Variants in SNAP91 observed in about 807,000 individuals in gnomAD.
The protein encoded by SNAP91 is clathrin coat assembly protein AP180.
Under a neutral mutation model 100.3 loss-of-function variants are expected in SNAP91, and 27 were observed. That is an observed-to-expected ratio of 0.27 (90% CI 0.20 to 0.37). SNAP91 has a LOEUF of 0.37. Among genes scored for constraint, SNAP91 ranks in the 10% least tolerant of loss-of-function variants. The pLI, the probability that SNAP91 is intolerant of heterozygous loss-of-function variation, is 1.00. For synonymous variants in SNAP91, 404 were observed against 398.6 expected, an observed-to-expected ratio of 1.01 and a Z score of -0.16; for missense variants, 986 against 1,123.7, an observed-to-expected ratio of 0.88 and a Z score of 1.75.
chr6:83,628,077 G>C (rs2097030475), intron 8 of SNAP91, among the ~76,000 whole-genome samples: 1 of 151,468 alleles, frequency 6.6e-6, no homozygotes, highest in South Asian at 2.1e-4. Context: ...TCATAGCTTA[G>C]CTCCCACTTA....
chr6:83,645,202 C>A (rs1157765007), intron 7 of SNAP91, among the ~76,000 whole-genome samples: 4 of 151,928 alleles, frequency 2.6e-5, no homozygotes, highest in African/African-American at 7.2e-5. Context: ...GCAAATGGAC[C>A]TTTACCATAG....
At chr6:83,606,131 CAG>C (rs749734520) in intron 13 of SNAP91, among the ~76,000 whole-genome samples, 8 of 152,028 alleles carry the variant, frequency 5.3e-5, no homozygotes, top group Non-Finnish European at 5.9e-5. Flanking sequence ...TTTACAAAAA[CAG>C]AGAGTGGGCT....
At chr6:83,688,606 C>T (rs530822587) in intron 2 of SNAP91, among the ~76,000 whole-genome samples, 2 of 151,096 alleles carry the variant, frequency 1.3e-5, no homozygotes, top group East Asian at 2.0e-4. Flanking sequence ...CAGGTTCAAG[C>T]GATTCTCCTG....
intron 8 of SNAP91, among the ~76,000 whole-genome samples, chr6:83,630,558 A>G (rs2097164877): frequency 6.6e-6 from 1 of 151,902 alleles, no homozygotes; most frequent in Non-Finnish European, 1.5e-5. Context: ...ATTCTTCCTG[A>G]TTTAAGCTAG....
At position 83,601,590 on chromosome 6, in the gene SNAP91, C is replaced by A; in HGVS notation, c.1151G>T (p.Gly384Val). Residue 384 changes from glycine to valine, a missense_variant, in exon 15 of 30, where the codon GGA (glycine) becomes GTA (valine). This residue lies in a region of SNAP91 where 575 missense variants were observed against 579.9 expected (regional missense o/e 0.99). Transcript: ENST00000369694. ...GGATAWGDLL[G>V]EDSLAALSSV... ...AAAAACAAAGCTTTACTCACCCTCT[C>A]CCAAAAGGTCTACCGATGTCCATTA... 6.2e-7 allele frequency: 1 copy of A among 1,613,542 alleles called. No individual in the cohort carries two copies. The highest frequency in any genetic ancestry group is 1.1e-5 in the South Asian group (1 of 91,060).
At chr6:83,590,698 T>G (rs1471639855) in intron 22 of SNAP91, among the ~76,000 whole-genome samples, 1 of 152,118 alleles carries the variant, frequency 6.6e-6, no homozygotes, top group Admixed American at 6.6e-5. Flanking sequence ...ACAACTTCCT[T>G]TAAAAAAAGA....
intron 7 of SNAP91, among the ~76,000 whole-genome samples, chr6:83,642,488 C>T (rs1392777360): frequency 1.4e-4 from 22 of 152,162 alleles, no homozygotes; most frequent in Admixed American, 1.4e-3. Context: ...TGGTTTCCAG[C>T]TTCATCCATG....
intron 2 of SNAP91, among the ~76,000 whole-genome samples, chr6:83,671,974 G>A (rs977858547): frequency 5.9e-5 from 9 of 151,956 alleles, no homozygotes; most frequent in African/African-American, 2.2e-4. Flanking sequence ...GTGCCCTTCT[G>A]ATCATAGCTG....
intron 2 of SNAP91, among the ~76,000 whole-genome samples, chr6:83,706,972 A>C (rs1031364936): frequency 6.6e-6 from 1 of 152,234 alleles, no homozygotes; most frequent in Non-Finnish European, 1.5e-5. Context: ...CTGTTAATTA[A>C]GGTATTTCAG....
intron 23 of SNAP91, among the ~76,000 whole-genome samples, chr6:83,580,925 T>C (rs1827435776): frequency 6.6e-6 from 1 of 152,226 alleles, no homozygotes; most frequent in Admixed American, 6.5e-5. Context: ...AGCTTTTTAG[T>C]TTTCTCATCT....
At position 83,592,967 on chromosome 6, in the gene SNAP91, G is replaced by A; in HGVS notation, c.1825C>T (p.Leu609Phe). 1.9e-6 allele frequency: 3 copies of A among 1,584,992 alleles called. No individual in the cohort carries two copies. The highest frequency in any genetic ancestry group is 1.2e-5 in the South Asian group (1 of 86,254). The part of the protein sequence containing the change: ...QGASPVPESS[L>F]TADLLSVDAF... ...TCACCAGATAAGAGGTCAGCAGTGAGAGAACTCTCAGGCACAGGAGAGGCC... is the reference window on the plus strand; with the variant it reads ...TCACCAGATAAGAGGTCAGCAGTGAAAGAACTCTCAGGCACAGGAGAGGCC... Residue 609 changes from leucine to phenylalanine, a missense_variant, in exon 20 of 30, where the codon CTC (leucine) becomes TTC (phenylalanine). Leu to Phe is a conservative substitution (Grantham distance 22, BLOSUM62 0). Around this residue, in one of 4 missense-constraint regions of SNAP91, gnomAD observed 575 missense variants for 579.9 expected, o/e 0.99. Coordinates refer to ENST00000369694, the MANE Select transcript of SNAP91 (RefSeq NM_001242792.2).
intron 7 of SNAP91, among the ~76,000 whole-genome samples, chr6:83,643,405 T>C (rs1009392226): frequency 6.6e-6 from 1 of 152,232 alleles, no homozygotes; most frequent in Non-Finnish European, 1.5e-5. Context: ...GCTTTCTACA[T>C]ATGGCTAGCC....
At chr6:83,617,103 G>T in intron 9 of SNAP91, 64 bp from the exon 10 acceptor site, 1 of 1,100,846 alleles carries the variant, frequency 9.1e-7, no homozygotes, top group Middle Eastern at 2.1e-4. Context: ...ACACTGTAAT[G>T]TCACTGTAAC....
chr6:83,606,468 T>C (rs942265978), intron 13 of SNAP91, among the ~76,000 whole-genome samples: 4 of 152,232 alleles, frequency 2.6e-5, no homozygotes, highest in Non-Finnish European at 4.4e-5. Context: ...ATTCAAAGTA[T>C]AGGCCTCAAA....
At chr6:83,591,710 G>A (rs894759308) in intron 21 of SNAP91, among the ~76,000 whole-genome samples, 2 of 152,132 alleles carry the variant, frequency 1.3e-5, no homozygotes, top group African/African-American at 4.8e-5. Context: ...GTACCTACAT[G>A]TCAAGGTTTA....
At chr6:83,592,714 A>G (rs1326418144) in intron 20 of SNAP91, among the ~76,000 whole-genome samples, 176 bp from the exon 21 acceptor site, 3 of 152,236 alleles carry the variant, frequency 2.0e-5, no homozygotes, top group Admixed American at 6.5e-5. Flanking sequence ...TCCAGAACAA[A>G]ATAAAATTGA....
chr6:83,704,658 A>G (rs924140643), intron 2 of SNAP91, among the ~76,000 whole-genome samples: 2 of 151,986 alleles, frequency 1.3e-5, no homozygotes, highest in East Asian at 1.9e-4. Flanking sequence ...TACATATTTC[A>G]TAAGGATTTT....
chr6:83,572,466 G>A (rs1584600505), intron 26 of SNAP91, among the ~76,000 whole-genome samples: 3 of 152,190 alleles, frequency 2.0e-5, no homozygotes, highest in African/African-American at 7.2e-5. Context: ...GGCTATGGCT[G>A]GTCTTGAACT....
intron 2 of SNAP91, chr6:83,679,009 A>C (rs1024851520): frequency 2.4e-6 from 1 of 423,352 alleles, no homozygotes; most frequent in African/African-American, 2.2e-5. Flanking sequence ...AGATTCAACC[A>C]AACTCAGATG....
Sources: gnomAD v4.1 joint callset for allele counts (sites outside exome capture counted in the v4.1 genomes callset) on GRCh38, gnomAD v4.1.1 for gene constraint, gnomAD v4.1.1 regional missense constraint, MANE v1.5 for transcripts, NCBI Gene and HGNC (gene_info 2026-07-23, HGNC 2026-07-21) for gene names.